Variants in DNM1L observed in about 807,000 individuals in gnomAD.
DNM1L encodes the protein dynamin-1-like protein.
A neutral mutation model predicts 92.8 loss-of-function variants in DNM1L; 33 were observed. The observed-to-expected ratio is 0.36, with a 90% CI of 0.27 to 0.48. The LOEUF is 0.48. DNM1L is among the 20% of genes least tolerant of loss of function. The pLI is 0.99. For missense variants in DNM1L, 485 were observed against 888.8 expected, an observed-to-expected ratio of 0.55 and a Z score of 5.78; for synonymous variants, 284 against 305.0, an observed-to-expected ratio of 0.93 and a Z score of 0.72.
intron 1 of DNM1L, chr12:32,679,767 C>T: frequency 9.3e-7 from 1 of 1,074,806 alleles, no homozygotes; most frequent in Non-Finnish European, 1.1e-6. Context: ...GCGGGCGGAA[C>T]TGGAGTCCGC....
At chr12:32,696,462 T>TGTG (rs1377750417) in intron 1 of DNM1L, among the ~76,000 whole-genome samples, 1 of 151,268 alleles carries the variant, frequency 6.6e-6, no homozygotes, top group Non-Finnish European at 1.5e-5. Context: ...ACACGCTGGG[T>TGTG]GTGGTGGTGT....
intron 6 of DNM1L, among the ~76,000 whole-genome samples, chr12:32,716,888 G>A (rs1355676020): frequency 6.8e-6 from 1 of 146,522 alleles, no homozygotes; most frequent in Non-Finnish European, 1.5e-5. Flanking sequence ...TATGAACACT[G>A]GTTCTCACTT....
chr12:32,708,064 C>T (rs1159294032), intron 3 of DNM1L, 89 bp from the exon 4 acceptor site: 5 of 685,076 alleles, frequency 7.3e-6, no homozygotes, highest in Non-Finnish European at 1.3e-5. Context: ...AATACATAGA[C>T]ATCCTTGAAG....
In DNM1L at chr12:32,707,954, GA is replaced by G. The variant is rs575612830; in HGVS notation, c.298-188del. 4.0e-3 allele frequency among the ~76,000 whole-genome samples: 508 copies of G among 125,958 alleles called. 2 individuals carry two copies. The highest frequency in any genetic ancestry group is 0.026 in the South Asian group (107 of 4,044). The allele number at this position is 125,958 out of a possible 152,430, so 82.6% of individuals were successfully genotyped here. On this transcript the variant is annotated intron_variant, in intron 3 of 19. Transcript: ENST00000549701. ...TGACAGAGTCAGACCCTCTCTCAAA[GA>G]AAAAAAAAAAGCCAAACAGAAAAAA...
At chr12:32,727,199 A>C in intron 9 of DNM1L, 1 of 1,029,668 alleles carries the variant, frequency 9.7e-7, no homozygotes, top group Non-Finnish European at 1.5e-6. Flanking sequence ...TTGTATTAGT[A>C]ATCTCAGATT....
At chr12:32,717,314 A>C (rs546691300) in intron 6 of DNM1L, among the ~76,000 whole-genome samples, 16 of 80,380 alleles carry the variant, frequency 2.0e-4, no homozygotes, top group African/African-American at 2.1e-4. Context: ...ACTATATATT[A>C]TATATACACT....
chr12:32,742,491 G>C, intron 18 of DNM1L, 98 bp from the exon 19 acceptor site: 1 of 1,428,944 alleles, frequency 7.0e-7, no homozygotes, highest in Non-Finnish European at 9.8e-7. Context: ...AAGTAGTAGT[G>C]TTCTTACTTA....
intron 8 of DNM1L, among the ~76,000 whole-genome samples, chr12:32,721,792 T>C (rs1953823248): frequency 6.6e-6 from 1 of 152,224 alleles, no homozygotes; most frequent in African/African-American, 2.4e-5. Flanking sequence ...TGTTTCTGAC[T>C]GACAGGCTAT....
Position 32,679,440 on chromosome 12 carries a change from C to G in DNM1L, c.77C>G (p.Pro26Arg). Reference sequence around the variant, plus strand: ...GTGGGCGCCGACATCATCCAGCTGCCTCAAATCGTCGTAGTGGGAACGCAG... The same window carrying G: ...GTGGGCGCCGACATCATCCAGCTGCGTCAAATCGTCGTAGTGGGAACGCAG... Reference protein sequence around the residue: ...NTVGADIIQLPQIVVVGTQSS... With the variant: ...NTVGADIIQLRQIVVVGTQSS... Residue 26 changes from proline (P) to arginine (R), a missense_variant, in exon 1 of 20, where the codon CCT becomes CGT. By Grantham distance (103) the Pro-to-Arg change is moderately radical. Around this residue, in one of 11 missense-constraint regions of DNM1L, gnomAD observed 9 missense variants for 38.5 expected, o/e 0.23. Transcript: ENST00000549701. The G allele has an allele frequency of 6.2e-7, 1 of 1,613,346 alleles. No homozygotes were observed. The highest frequency in any genetic ancestry group is 8.5e-7 in the Non-Finnish European group (1 of 1,179,872).
chr12:32,740,187 C>G lies in DNM1L; in HGVS notation c.1831C>G (p.Pro611Ala). Residue 611 changes from proline (P) to alanine (A), a missense_variant, in exon 17 of 20, where the codon CCA becomes GCA. Around this residue, in one of 11 missense-constraint regions of DNM1L, gnomAD observed 133 missense variants for 210.9 expected, o/e 0.63. Transcript: ENST00000549701. The part of the protein sequence containing the change: ...LLAEEKSKPI[P>A]IMPASPQKGH... ...AGCAGAAGAAAAATCAAAACCCATT[C>G]CAATTATGCCAGCCAGTCCACAAAA... 4.3e-6 allele frequency: 7 copies of G among 1,614,120 alleles called. No homozygotes were observed. The highest frequency in any genetic ancestry group is 5.9e-6 in the Non-Finnish European group (7 of 1,180,026).
chr12:32,690,104 C>A lies in DNM1L; in HGVS notation c.102+10639C>A, dbSNP rs7313470. Among the ~76,000 whole-genome samples, 345 of 152,330 alleles carry A rather than the reference C, an allele frequency of 2.3e-3. 3 individuals are homozygous for A. The highest frequency in any genetic ancestry group is 7.8e-3 in the African/African-American group (325 of 41,584). On this transcript the variant is annotated intron_variant, in intron 1 of 19. Coordinates refer to ENST00000549701, the MANE Select transcript of DNM1L (RefSeq NM_012062.5). ...CTCGACTTTCTGGGAAGAACCCAGA[C>A]ATGGGATGTTTAAATCACCAGGTGG...
intron 1 of DNM1L, among the ~76,000 whole-genome samples, chr12:32,696,600 T>TAA (rs5797485): frequency 7.1e-6 from 1 of 141,178 alleles, no homozygotes; most frequent in Admixed American, 7.1e-5. Flanking sequence ...ACAGTGTCTC[T>TAA]AAAAAAAAAA....
intron 1 of DNM1L, among the ~76,000 whole-genome samples, chr12:32,701,066 G>A (rs1952678689): frequency 6.6e-6 from 1 of 152,118 alleles, no homozygotes; most frequent in Admixed American, 6.5e-5. Flanking sequence ...CCTGAGGTCG[G>A]GAGTTCGAGA....
chr12:32,684,730 A>G (rs1414647243), intron 1 of DNM1L, among the ~76,000 whole-genome samples: 1 of 152,192 alleles, frequency 6.6e-6, no homozygotes, highest in African/African-American at 2.4e-5. Flanking sequence ...CAGCTTCCCA[A>G]AGTGCTGGGA....
intron 8 of DNM1L, 119 bp downstream of exon 8, chr12:32,720,914 C>T (rs1953772278): frequency 1.5e-6 from 2 of 1,315,822 alleles, no homozygotes; most frequent in African/African-American, 1.5e-5. Context: ...CTTATGGTTT[C>T]TTATATAGTA....
intron 1 of DNM1L, among the ~76,000 whole-genome samples, chr12:32,696,315 T>C (rs1565495691): frequency 6.6e-6 from 1 of 151,824 alleles, no homozygotes; most frequent in Non-Finnish European, 1.5e-5. Context: ...GGTGGGGGTA[T>C]CGCTTGAGCC....
intron 4 of DNM1L, among the ~76,000 whole-genome samples, chr12:32,708,598 TTATA>T (rs1171423012): frequency 6.6e-6 from 1 of 152,078 alleles, no homozygotes; most frequent in East Asian, 1.9e-4. Context: ...ATTGTTTCAC[TTATA>T]TATATATCTT....
chr12:32,717,364 T>G (rs1362120453), intron 6 of DNM1L, among the ~76,000 whole-genome samples: 1 of 74,070 alleles, frequency 1.4e-5, no homozygotes, highest in African/African-American at 5.8e-5. Flanking sequence ...ATAGTATATA[T>G]AATATATATA....
chr12:32,733,162 ACTTTT>A (rs996272366), intron 12 of DNM1L, among the ~76,000 whole-genome samples: 4 of 152,210 alleles, frequency 2.6e-5, no homozygotes, highest in Non-Finnish European at 4.4e-5. Flanking sequence ...ATTAATTTTA[ACTTTT>A]CTTTTTTATT....
Sources: allele counts gnomAD v4.1 joint callset (sites outside exome capture counted in the v4.1 genomes callset), GRCh38; gene constraint gnomAD v4.1.1; regional missense constraint gnomAD v4.1.1; transcripts MANE v1.5; gene names NCBI Gene and HGNC (gene_info 2026-07-23, HGNC 2026-07-21).